The following ALKBH8 variants were observed in gnomAD, a reference collection of about 807,000 sequenced individuals.
ALKBH8 encodes the protein alkB homolog 8, tRNA methyltransferase.
In ALKBH8, 36 loss-of-function variants were observed where a neutral mutation model predicts 59.8. That is an observed-to-expected ratio of 0.60 (90% CI 0.46 to 0.79). The LOEUF (loss-of-function observed/expected upper bound fraction) is 0.79. ALKBH8 is among the 30% of genes least tolerant of loss of function. ALKBH8 has a pLI of 0.00. For missense variants in ALKBH8, 768 were observed against 801.0 expected, an observed-to-expected ratio of 0.96 and a Z score of 0.50; for synonymous variants, 276 against 273.6, an observed-to-expected ratio of 1.01 and a Z score of -0.09.
At chr11:107,565,376 G>A (rs542981521) in intron 1 of ALKBH8, 27 of 606,118 alleles carry the variant, frequency 4.5e-5, no homozygotes, top group South Asian at 4.4e-4. Flanking sequence ...GGCACCACGT[G>A]AGCGCCCGAA....
Position 107,545,845 on chromosome 11 carries a change from G to A in ALKBH8, c.771+3908C>T, listed in dbSNP as rs139205386. Among the ~76,000 whole-genome samples the A allele has an allele frequency of 2.0e-3, 308 of 152,354 alleles. 2 individuals carry two copies. The highest frequency in any genetic ancestry group is 7.1e-3 in the African/African-American group (297 of 41,572). ...ACTTCCCGAAATTGATAAAAGGGAT[G>A]TCAGAGGACCATTTAAATCACATGC... is the stretch of plus-strand genomic sequence containing the variant. On this transcript the variant is annotated intron_variant, in intron 7 of 11. Transcript: ENST00000428149.
At chr11:107,512,413 A>C (rs1354823192) in intron 10 of ALKBH8, among the ~76,000 whole-genome samples, 1 of 152,106 alleles carries the variant, frequency 6.6e-6, no homozygotes, top group African/African-American at 2.4e-5. Flanking sequence ...TCCCAGGCCC[A>C]GGTGATCCTC....
At chr11:107,538,776 T>TG (rs1282997203) in intron 7 of ALKBH8, among the ~76,000 whole-genome samples, 6 of 152,202 alleles carry the variant, frequency 3.9e-5, no homozygotes, top group African/African-American at 1.4e-4. Context: ...TATACGCTAC[T>TG]GGGAACACTT....
intron 11 of ALKBH8, among the ~76,000 whole-genome samples, chr11:107,508,920 T>C (rs1862507301): frequency 6.6e-6 from 1 of 152,222 alleles, no homozygotes; most frequent in African/African-American, 2.4e-5. Flanking sequence ...TTAATGAACA[T>C]TTGAGTTGTT....
intron 8 of ALKBH8, among the ~76,000 whole-genome samples, chr11:107,531,007 C>T (rs777778717): frequency 1.1e-4 from 17 of 151,832 alleles, no homozygotes; most frequent in Non-Finnish European, 2.4e-4. Flanking sequence ...AATGCTTGAA[C>T]CCAGAAAAGA....
intron 8 of ALKBH8, among the ~76,000 whole-genome samples, chr11:107,530,208 C>T (rs950124866): frequency 1.3e-5 from 2 of 152,108 alleles, no homozygotes; most frequent in African/African-American, 4.8e-5. Flanking sequence ...CTATGCTGCC[C>T]GTCTTCCACC....
intron 10 of ALKBH8, among the ~76,000 whole-genome samples, chr11:107,519,969 C>T (rs1863038319): frequency 6.6e-6 from 1 of 152,026 alleles, no homozygotes; most frequent in Non-Finnish European, 1.5e-5. Context: ...CATTGAAGTG[C>T]TATGCAAATG....
Position 107,504,602 on chromosome 11 carries a change from C to G in ALKBH8, c.*56G>C. 2.0e-6 allele frequency: 3 copies of G among 1,520,206 alleles called. No individual in the cohort carries two copies. Among genetic ancestry groups the G allele is most frequent in the Non-Finnish European group, 1.8e-6 (2 of 1,126,474 alleles). The allele number at this position is 1,520,206 out of a possible 1,614,324, so 94.2% of individuals were successfully genotyped here. A position where few individuals can be genotyped will look rare whatever the true frequency, so the allele number is the denominator to read the frequency against. On this transcript the variant is annotated 3_prime_UTR_variant, in exon 12 of 12. Transcript: ENST00000428149. Reference sequence around the variant, plus strand: ...ATTAAAAGGGTAATTAATTTATTCTCTCTTTTTTTTTAAGTGAGCATTTCT... The same window carrying G: ...ATTAAAAGGGTAATTAATTTATTCTGTCTTTTTTTTTAAGTGAGCATTTCT...
chr11:107,536,743 C>G (rs1863831718), intron 7 of ALKBH8, among the ~76,000 whole-genome samples: 1 of 152,124 alleles, frequency 6.6e-6, no homozygotes, highest in African/African-American at 2.4e-5. Flanking sequence ...AGTACCAAGT[C>G]AGAGTAAGGA....
intron 8 of ALKBH8, among the ~76,000 whole-genome samples, chr11:107,525,862 C>A (rs1390473678): frequency 6.7e-6 from 1 of 150,226 alleles, no homozygotes; most frequent in Non-Finnish European, 1.5e-5. Flanking sequence ...CTAAAAAAAA[C>A]AAAAAAGAAC....
rs537722611 is a variant in ALKBH8 at position 107,503,260 on chromosome 11, C to T, written c.*1398G>A. The T allele has an allele frequency of 6.9e-4, 105 of 152,158 alleles. No individual in the cohort carries two copies. The highest frequency in any genetic ancestry group is 3.4e-3 in the Middle Eastern group (1 of 292). The allele number at this position is 152,158 out of a possible 1,614,324, so 9.4% of individuals were successfully genotyped here. ...CCTTATAAATTCATCCCAGAGGGAC[C>T]AGTACACCAGGATGTTGGACTGAAA... On this transcript the variant is annotated 3_prime_UTR_variant, in exon 12 of 12. Transcript: ENST00000428149.
intron 8 of ALKBH8, 24 bp from the exon 9 acceptor site, chr11:107,525,616 T>G: frequency 7.4e-7 from 1 of 1,344,150 alleles, no homozygotes; most frequent in Non-Finnish European, 9.6e-7. Context: ...TCAAAAAAAT[T>G]TACTTAACAT....
chr11:107,564,300 C>T (rs1178444513), intron 1 of ALKBH8, among the ~76,000 whole-genome samples: 1 of 152,030 alleles, frequency 6.6e-6, no homozygotes, highest in Non-Finnish European at 1.5e-5. Context: ...ATCATGCCCT[C>T]CTTGAATAAT....
intron 11 of ALKBH8, 123 bp from the exon 12 acceptor site, chr11:107,505,338 G>T: frequency 1.4e-6 from 1 of 738,806 alleles, no homozygotes; most frequent in Non-Finnish European, 2.0e-6. Context: ...AATATCTTAT[G>T]TAAAACAAAA....
In ALKBH8 at chr11:107,522,300, A is replaced by G. The variant is rs1863146449; in HGVS notation, c.1286T>C (p.Met429Thr). ...KYLGINKELY[M>T]IGCDRSQNLV... Reference sequence around the variant, plus strand: ...AAAGTCAAAAGCAACATTACTTGCCATATATAACTCCTTATTGATGCCAAG... The same window carrying G: ...AAAGTCAAAAGCAACATTACTTGCCGTATATAACTCCTTATTGATGCCAAG... The change falls in exon 10 of 12, where the codon ATG becomes ACG. Residue 429 changes from methionine (M) to threonine (T), a missense_variant and splice_region_variant. Physicochemically the swap from Met to Thr is moderately conservative, Grantham distance 81. Coordinates refer to ENST00000428149, the MANE Select transcript of ALKBH8 (RefSeq NM_138775.3). 1 of 1,551,612 alleles carries G rather than the reference A, an allele frequency of 6.4e-7. No homozygotes were observed. The highest frequency in any genetic ancestry group is 8.7e-7 in the Non-Finnish European group (1 of 1,146,916).
intron 8 of ALKBH8, among the ~76,000 whole-genome samples, 198 bp downstream of exon 8, chr11:107,532,102 G>C (rs1863618765): frequency 6.6e-6 from 1 of 152,154 alleles, no homozygotes; most frequent in African/African-American, 2.4e-5. Flanking sequence ...TACTATGCTT[G>C]CAAGTTTGCT....
intron 8 of ALKBH8, among the ~76,000 whole-genome samples, chr11:107,529,822 A>T (rs1424260809): frequency 1.3e-5 from 2 of 152,146 alleles, no homozygotes; most frequent in Non-Finnish European, 2.9e-5. Flanking sequence ...CTTTTAATAC[A>T]GACACGAGTT....
intron 10 of ALKBH8, among the ~76,000 whole-genome samples, chr11:107,511,260 T>C (rs1470966379): frequency 1.3e-5 from 2 of 152,122 alleles, no homozygotes; most frequent in Admixed American, 6.6e-5. Context: ...GAACTCCAAT[T>C]AGTGAAACAA....
rs977458804 is a variant in ALKBH8, at chr11:107,556,979, A to G, written c.154T>C (p.Leu52=). The change falls in exon 3 of 12, where the codon TTG becomes CTG. Residue 52 remains leucine, a synonymous_variant. Coordinates refer to ENST00000428149, the MANE Select transcript of ALKBH8 (RefSeq NM_138775.3). ...TQSLVVANGG[L]GNGVSRNQLL... is the part of the protein sequence containing the mutation. ...TGGTTCCGACTCACACCATTACCCAAACCACCATTGGCAACAACCAGGCTC... is the reference window on the plus strand; with the variant it reads ...TGGTTCCGACTCACACCATTACCCAGACCACCATTGGCAACAACCAGGCTC... The G allele has an allele frequency of 5.7e-6, 9 of 1,591,074 alleles. No homozygotes were observed. The Admixed American group carries it at 1.2e-4, about 22-fold the overall frequency.
Sources: gnomAD v4.1 joint callset for allele counts (sites outside exome capture counted in the v4.1 genomes callset) on GRCh38, gnomAD v4.1.1 for gene constraint, MANE v1.5 for transcripts, NCBI Gene and HGNC (gene_info 2026-07-23, HGNC 2026-07-21) for gene names.